TOPBP1: variants seen among roughly 807,000 people sequenced by gnomAD.
TOPBP1 encodes the protein DNA topoisomerase 2-binding protein 1.
In TOPBP1, 28 loss-of-function variants were observed where a neutral mutation model predicts 167.7. The observed-to-expected ratio is 0.17, with a 90% CI of 0.12 to 0.23. The LOEUF is 0.23. Among genes scored for constraint, TOPBP1 ranks in the 10% least tolerant of loss-of-function variants. The pLI is 1.00. For synonymous variants in TOPBP1, 598 were observed against 611.4 expected (o/e 0.98, Z 0.32); for missense variants, 1,554 against 1,809.6 (o/e 0.86, Z 2.56).
At chr3:133,604,036 A>C (rs995433428) in intron 27 of TOPBP1, among the ~76,000 whole-genome samples, 1 of 151,936 alleles carries the variant, frequency 6.6e-6, no homozygotes, top group Admixed American at 6.6e-5. Context: ...TAGAAAAAAA[A>C]ATCCTCTTAT....
At chr3:133,656,535 G>A in intron 5 of TOPBP1, 141 bp downstream of exon 5, 1 of 762,040 alleles carries the variant, frequency 1.3e-6, no homozygotes, top group South Asian at 2.5e-5. Flanking sequence ...TGTAGATTCT[G>A]CTCTTCCGTT....
chr3:133,635,496 G>A (rs930722265), intron 14 of TOPBP1, among the ~76,000 whole-genome samples: 3 of 152,224 alleles, frequency 2.0e-5, no homozygotes, highest in Middle Eastern at 3.4e-3. Context: ...TCTCAAGTGA[G>A]GCTCCCACCT....
At chr3:133,621,657 C>A (rs955818980) in intron 19 of TOPBP1, among the ~76,000 whole-genome samples, 1 of 152,046 alleles carries the variant, frequency 6.6e-6, no homozygotes, top group African/African-American at 2.4e-5. Flanking sequence ...CACATGGATA[C>A]CAAGGGACAA....
chr3:133,602,641 TCAGA>T (rs1332041930), intron 27 of TOPBP1, among the ~76,000 whole-genome samples: 7 of 151,774 alleles, frequency 4.6e-5, no homozygotes, highest in South Asian at 2.1e-4. Context: ...CTGTAAAGGC[TCAGA>T]CAGAAACATT....
At chr3:133,647,484 C>A (rs1267757676) in intron 10 of TOPBP1, among the ~76,000 whole-genome samples, 2 of 152,154 alleles carry the variant, frequency 1.3e-5, no homozygotes, top group African/African-American at 4.8e-5. Context: ...CCATAAACAA[C>A]AGCCAACAGA....
intron 8 of TOPBP1, among the ~76,000 whole-genome samples, chr3:133,651,618 A>C (rs1179956356): frequency 6.6e-6 from 1 of 152,226 alleles, no homozygotes; most frequent in East Asian, 1.9e-4. Flanking sequence ...GAAAAAGTAT[A>C]GCATATGCTG....
rs545439683 is a variant in TOPBP1, at chr3:133,624,034, GA to G, written c.2928+17del. On this transcript the variant is annotated intron_variant, in intron 17 of 27. Transcript: ENST00000260810. ...ATTTTCAATTAACAGAGATGGGGGG[GA>G]AAAAAGCACTGCTTACATCTAAAAG... is the stretch of plus-strand genomic sequence containing the variant. The G allele has an allele frequency of 2.9e-4, 472 of 1,603,942 alleles. 3 individuals carry two copies. The East Asian group carries it at 6.3e-3, about 21-fold the overall frequency.
chr3:133,637,907 TC>T lies in TOPBP1; in HGVS notation c.2488del (p.Asp830ThrfsTer10). On this transcript the variant is annotated frameshift_variant, in exon 14 of 28. Coordinates refer to ENST00000260810, the MANE Select transcript of TOPBP1 (RefSeq NM_007027.4). LOFTEE classifies it high-confidence loss of function. ...ATCAAAGGAAGGCTTGAAGAGTTTG[TC>T]CTTGGACAGGAATTTTGATGGTGTA... ...LDTPSKFLSK[D>X]KLFKPSFDVK... is the part of the protein sequence containing the mutation. The T allele has an allele frequency of 6.2e-7, 1 of 1,613,940 alleles. No homozygotes were observed. Among genetic ancestry groups the T allele is most frequent in the Non-Finnish European group, 8.5e-7 (1 of 1,179,848 alleles).
intron 12 of TOPBP1, among the ~76,000 whole-genome samples, chr3:133,641,203 A>G (rs558131121): frequency 6.6e-6 from 1 of 152,210 alleles, no homozygotes; most frequent in African/African-American, 2.4e-5. Flanking sequence ...AATGAATCCT[A>G]TTTATTGAAT....
In TOPBP1 at chr3:133,623,343, G is replaced by C; in HGVS notation, c.3043C>G (p.Leu1015Val). The C allele has an allele frequency of 6.2e-7, 1 of 1,613,712 alleles. No homozygotes were observed. The highest frequency in any genetic ancestry group is 8.5e-7 in the Non-Finnish European group (1 of 1,179,804). Residue 1015 changes from leucine to valine, a missense_variant, in exon 18 of 28, where the codon CTC becomes GTC. Transcript: ENST00000260810. ...TCCTTTGTTGAAGACACAGCTGAGA[G>C]TAGTCGACTATTACAGAGCCGGCCA... ...QDGRLCNSRL[L>V]SAVSSTKDDE...
chr3:133,629,059 A>C (rs1009820247), intron 14 of TOPBP1, among the ~76,000 whole-genome samples: 4 of 152,186 alleles, frequency 2.6e-5, no homozygotes, highest in African/African-American at 9.7e-5. Flanking sequence ...TGAAAACAAA[A>C]CAAACCAAAA....
intron 6 of TOPBP1, among the ~76,000 whole-genome samples, chr3:133,654,275 C>G (rs1278360686): frequency 6.6e-6 from 1 of 152,118 alleles, no homozygotes; most frequent in Non-Finnish European, 1.5e-5. Flanking sequence ...TGTCAACAGG[C>G]TTCTACTTAA....
chr3:133,643,515 A>T (rs1355389294), intron 11 of TOPBP1, 143 bp from the exon 12 acceptor site: 1 of 615,510 alleles, frequency 1.6e-6, no homozygotes, highest in East Asian at 3.0e-5. Flanking sequence ...CATTCTCAAT[A>T]CATTTCATAT....
chr3:133,645,977 T>A (rs1465862324), intron 10 of TOPBP1, among the ~76,000 whole-genome samples: 1 of 151,944 alleles, frequency 6.6e-6, no homozygotes, highest in Non-Finnish European at 1.5e-5. Context: ...AGAAACCCCA[T>A]CTCTACTAAA....
At chr3:133,610,898 C>T in intron 25 of TOPBP1, 106 bp downstream of exon 25, 1 of 1,288,746 alleles carries the variant, frequency 7.8e-7, no homozygotes, top group Non-Finnish European at 1.0e-6. Flanking sequence ...GGAAAAAAGA[C>T]AAGTAGAATC....
At position 133,644,116 on chromosome 3, in the gene TOPBP1, G is replaced by A. The variant is rs770787903; in HGVS notation, c.1752C>T (p.Ser584=). Residue 584 remains serine (S), a synonymous_variant, in exon 11 of 28, where the codon TCC becomes TCT. Transcript: ENST00000260810. ...AATCCGCAACAGTTCTGCTCAGAAG[G>A]GACATGATTTTCCCAGCATTTTCTT... ...IIKENAGKIM[S]LLSRTVADYA... is the part of the protein sequence containing the mutation. The A allele has an allele frequency of 3.7e-6, 6 of 1,613,894 alleles. No individual in the cohort carries two copies. Among genetic ancestry groups the A allele is most frequent in the Non-Finnish European group, 4.2e-6 (5 of 1,179,856 alleles).
chr3:133,615,127 C>G (rs1422917938), intron 23 of TOPBP1, among the ~76,000 whole-genome samples: 3 of 150,716 alleles, frequency 2.0e-5, no homozygotes, highest in Non-Finnish European at 4.4e-5. Flanking sequence ...AAAAAGACAG[C>G]ATTAAATAAC....
intron 14 of TOPBP1, among the ~76,000 whole-genome samples, chr3:133,633,486 T>A (rs1224568267): frequency 2.0e-5 from 3 of 152,176 alleles, no homozygotes; most frequent in Non-Finnish European, 2.9e-5. Flanking sequence ...CACCTCAAGG[T>A]GTTGCTTAGA....
intron 17 of TOPBP1, 65 bp downstream of exon 17, chr3:133,623,987 C>T: frequency 1.3e-6 from 2 of 1,523,730 alleles, no homozygotes; most frequent in Admixed American, 2.1e-5. Context: ...TGAGTTAGTG[C>T]TCTGAAATAA....
Sources: allele counts gnomAD v4.1 joint callset (sites outside exome capture counted in the v4.1 genomes callset), GRCh38; gene constraint gnomAD v4.1.1; transcripts MANE v1.5; gene names NCBI Gene and HGNC (gene_info 2026-07-23, HGNC 2026-07-21).